The following AATF variants were observed in gnomAD, a reference collection of about 807,000 sequenced individuals.
AATF encodes the protein apoptosis antagonizing transcription factor.
Under a neutral mutation model 63.7 loss-of-function variants are expected in AATF, and 48 were observed. The observed-to-expected ratio is 0.75, with a 90% CI of 0.60 to 0.96. The LOEUF (loss-of-function observed/expected upper bound fraction) is 0.96, where lower values mean the gene tolerates loss of function less well. Ranked by LOEUF, AATF falls within the 40% of genes least tolerant of loss-of-function variation. The pLI, the probability that AATF is intolerant of heterozygous loss-of-function variation, is 0.00. For missense variants in AATF, 639 were observed against 685.7 expected (o/e 0.93, Z 0.76); for synonymous variants, 258 against 247.7 (o/e 1.04, Z -0.39).
intron 4 of AATF, among the ~76,000 whole-genome samples, chr17:36,956,195 A>G (rs2070898418): frequency 6.6e-6 from 1 of 152,166 alleles, no homozygotes; most frequent in African/African-American, 2.4e-5. Context: ...GCATCTATTA[A>G]TCTGACAGGG....
chr17:36,995,955 C>T (rs184997688), intron 8 of AATF, among the ~76,000 whole-genome samples: 1 of 152,100 alleles, frequency 6.6e-6, no homozygotes, highest in Non-Finnish European at 1.5e-5. Flanking sequence ...TGATTTGAAC[C>T]TGCCTCTGTG....
rs1168785687 is a variant in AATF, at chr17:36,953,191, A to T, written c.589A>T (p.Arg197Trp). ...CTCCCAAGGCGAGAGTGAGGAAGAC[A>T]GGGCTGGAGATAGAAACAGTGAGGA... ...EDSQGESEED[R>W]AGDRNSEDDG... Residue 197 changes from arginine to tryptophan, a missense_variant, in exon 3 of 12, where the codon AGG becomes TGG. By Grantham distance (101) the Arg-to-Trp change is moderately radical. Coordinates refer to ENST00000619387, the MANE Select transcript of AATF (RefSeq NM_012138.4). 5 of 1,614,120 alleles carry T rather than the reference A, an allele frequency of 3.1e-6. No homozygotes were observed. Among genetic ancestry groups the T allele is most frequent in the African/African-American group, 1.3e-5 (1 of 74,938 alleles).
chr17:36,991,775 C>T (rs922952270), intron 8 of AATF, among the ~76,000 whole-genome samples: 10 of 151,904 alleles, frequency 6.6e-5, no homozygotes, highest in Non-Finnish European at 1.2e-4. Flanking sequence ...TTAGTAGAGA[C>T]GGGGTTTCAC....
chr17:37,035,655 A>C (rs572534825), intron 11 of AATF, among the ~76,000 whole-genome samples: 1 of 131,008 alleles, frequency 7.6e-6, no homozygotes, highest in Non-Finnish European at 1.6e-5. Flanking sequence ...CTCCTGCCTC[A>C]GCCTCCCATT....
intron 8 of AATF, among the ~76,000 whole-genome samples, chr17:37,005,122 TG>T (rs1433015012): frequency 4.6e-5 from 7 of 150,986 alleles, no homozygotes; most frequent in African/African-American, 1.7e-4. Flanking sequence ...ACAGAAATTT[TG>T]TGTTTGACTT....
chr17:36,953,369 T>C, intron 3 of AATF, 73 bp downstream of exon 3: 1 of 1,555,594 alleles, frequency 6.4e-7, no homozygotes, highest in Non-Finnish European at 8.7e-7. Flanking sequence ...TTTGTTTGTT[T>C]TTGGCTATTC....
chr17:37,054,596 G>A (rs1216653226), intron 11 of AATF: 1 of 152,340 alleles, frequency 6.6e-6, no homozygotes, highest in East Asian at 1.9e-4. Context: ...TGAAAACATG[G>A]GTTTCAGCAT....
intron 8 of AATF, chr17:36,998,609 T>C (rs1174726499): frequency 1.3e-5 from 2 of 152,226 alleles, no homozygotes; most frequent in East Asian, 1.9e-4. Context: ...TTTATTAGTC[T>C]GGGCACAGTG....
intron 11 of AATF, among the ~76,000 whole-genome samples, chr17:37,032,675 T>C (rs2071560835): frequency 6.6e-6 from 1 of 152,220 alleles, no homozygotes; most frequent in Non-Finnish European, 1.5e-5. Flanking sequence ...TCTTACAGCA[T>C]TTCATTTCAG....
intron 4 of AATF, among the ~76,000 whole-genome samples, chr17:36,964,176 T>G (rs1461561855): frequency 9.4e-5 from 14 of 149,684 alleles, no homozygotes; most frequent in African/African-American, 3.5e-4. Flanking sequence ...TTTGCTTTTT[T>G]TTTTTTTTTT....
Position 37,024,272 on chromosome 17 carries a change from A to G in AATF, c.1547+3258A>G, listed in dbSNP as rs75251341. ...AAGACTTGCACAAGACGACTTCCTC[A>G]CTGAGCCTTGAGAGATTAGTAGGCG... On this transcript the variant is annotated intron_variant, in intron 10 of 11. Coordinates refer to ENST00000619387, the MANE Select transcript of AATF (RefSeq NM_012138.4). Among the ~76,000 whole-genome samples the G allele has an allele frequency of 2.4e-3, 369 of 152,330 alleles. 1 individual carries two copies. Among genetic ancestry groups the G allele is most frequent in the African/African-American group, 8.2e-3 (342 of 41,572 alleles).
chr17:36,988,746 T>A (rs753668672), intron 6 of AATF, 26 bp downstream of exon 6: 15 of 1,602,454 alleles, frequency 9.4e-6, no homozygotes, highest in Non-Finnish European at 1.3e-5. Flanking sequence ...CGCGCATGTA[T>A]GTGTAAGATA....
chr17:37,030,191 A>G (rs1009693439), intron 10 of AATF, among the ~76,000 whole-genome samples: 16 of 152,128 alleles, frequency 1.1e-4, no homozygotes, highest in African/African-American at 3.9e-4. Flanking sequence ...GATTACAGGC[A>G]TGAGCCACCA....
At position 37,002,016 on chromosome 17, in the gene AATF, A is replaced by G. The variant is rs2071302220; in HGVS notation, c.1398+11159A>G. On this transcript the variant is annotated intron_variant, in intron 8 of 11. Coordinates refer to ENST00000619387, the MANE Select transcript of AATF (RefSeq NM_012138.4). ...CCAGGAGTCAAGACCAGCCTGGCCAACATGGTGAAACCCCGCCTCTACTAA... is the reference window on the plus strand; with the variant it reads ...CCAGGAGTCAAGACCAGCCTGGCCAGCATGGTGAAACCCCGCCTCTACTAA... 2.6e-5 allele frequency among the ~76,000 whole-genome samples: 4 copies of G among 152,112 alleles called. 1 individual carries two copies. In the South Asian group the frequency reaches 8.3e-4, roughly 32 times the overall value.
intron 7 of AATF, among the ~76,000 whole-genome samples, chr17:36,989,943 AT>A (rs1230803953): frequency 2.7e-5 from 4 of 146,014 alleles, no homozygotes; most frequent in Admixed American, 6.8e-5. Context: ...AAATTTTTTT[AT>A]TTTTTTTGTC....
At chr17:36,992,399 C>CT (rs2071222300) in intron 8 of AATF, among the ~76,000 whole-genome samples, 1 of 152,064 alleles carries the variant, frequency 6.6e-6, no homozygotes, top group African/African-American at 2.4e-5. Flanking sequence ...GTAAGGAACT[C>CT]TATTTTGTTC....
intron 8 of AATF, among the ~76,000 whole-genome samples, chr17:36,991,062 A>C (rs1004762532): frequency 2.6e-5 from 4 of 152,254 alleles, no homozygotes; most frequent in African/African-American, 9.6e-5. Context: ...AAATGAAAAC[A>C]GCTATAGCTA....
At position 36,949,089 on chromosome 17, in the gene AATF, A is replaced by C; in HGVS notation, c.-37A>C. ...GGGCCGGGGGTTGGGCCGCACATTT[A>C]CGTGCGCGAAGCGGAGTGGACCGGG... is the stretch of plus-strand genomic sequence containing the variant. On this transcript the variant is annotated 5_prime_UTR_variant, in exon 1 of 12. Coordinates refer to ENST00000619387, the MANE Select transcript of AATF (RefSeq NM_012138.4). 1.3e-6 allele frequency: 2 copies of C among 1,522,394 alleles called. No homozygotes were observed. Among genetic ancestry groups the C allele is most frequent in the Non-Finnish European group, 1.8e-6 (2 of 1,121,190 alleles). 94.3% of individuals were successfully genotyped at this position (1,522,394 alleles called of 1,614,324 possible).
intron 8 of AATF, among the ~76,000 whole-genome samples, chr17:37,002,094 C>T (rs1037897869): frequency 4.6e-5 from 7 of 151,002 alleles, no homozygotes; most frequent in Admixed American, 1.3e-4. Flanking sequence ...CCCAGCCACT[C>T]GCAAGGCTGA....
Sources: gnomAD v4.1 joint callset for allele counts (sites outside exome capture counted in the v4.1 genomes callset) on GRCh38, gnomAD v4.1.1 for gene constraint, MANE v1.5 for transcripts, NCBI Gene and HGNC (gene_info 2026-07-23, HGNC 2026-07-21) for gene names.